Variants in MAF observed in about 807,000 individuals in gnomAD.
MAF encodes transcription factor Maf.
Under a neutral mutation model 22.0 loss-of-function variants are expected in MAF, and 10 were observed. The observed-to-expected ratio is 0.45, with a 90% CI of 0.28 to 0.77. The LOEUF is 0.77. Ranked by LOEUF, MAF falls within the 30% of genes least tolerant of loss-of-function variation. The pLI, the probability that MAF is intolerant of heterozygous loss-of-function variation, is 0.12. For missense variants in MAF, 544 were observed against 548.4 expected (o/e 0.99, Z 0.08); for synonymous variants, 337 against 255.8 (o/e 1.32, Z -3.03).
chr16:79,485,944 A>G, the MAF span, among the ~76,000 whole-genome samples: 1 of 152,216 alleles, frequency 6.6e-6, no homozygotes, highest in Admixed American at 6.5e-5. Flanking sequence ...TTTTTAACTG[A>G]TGGAACTCTA....
chr16:79,255,084 G>A, the MAF span, among the ~76,000 whole-genome samples: 16 of 152,240 alleles, frequency 1.1e-4, no homozygotes, highest in Admixed American at 5.9e-4. Flanking sequence ...TCCTGAAAAC[G>A]TCTTCTCTCT....
At chr16:79,203,839 G>C in the MAF span, 41 of 152,030 alleles carry the variant, frequency 2.7e-4, no homozygotes, top group Admixed American at 1.8e-3. Context: ...GGCGAATACA[G>C]ATGCATACAT....
At chr16:79,271,065 T>C in the MAF span, among the ~76,000 whole-genome samples, 2 of 140,552 alleles carry the variant, frequency 1.4e-5, no homozygotes, top group East Asian at 4.4e-4. Flanking sequence ...CATGCCTGGC[T>C]TTCTGGCATT....
the MAF span, among the ~76,000 whole-genome samples, chr16:79,343,833 C>T: frequency 1.3e-5 from 2 of 152,170 alleles, no homozygotes; most frequent in African/African-American, 2.4e-5. Flanking sequence ...CTTCCTACCC[C>T]CCACGGTCCC....
chr16:79,311,102 G>A, the MAF span, among the ~76,000 whole-genome samples: 1 of 151,720 alleles, frequency 6.6e-6, no homozygotes, highest in Non-Finnish European at 1.5e-5. Context: ...TGTCTCAGGG[G>A]CTTCTTAACC....
chr16:79,349,195 G>A, the MAF span, among the ~76,000 whole-genome samples: 1 of 152,236 alleles, frequency 6.6e-6, no homozygotes, highest in Non-Finnish European at 1.5e-5. Flanking sequence ...AGGGCACACA[G>A]TGTGAAAGGG....
chr16:79,374,774 CT>C, the MAF span, among the ~76,000 whole-genome samples: 1 of 152,166 alleles, frequency 6.6e-6, no homozygotes, highest in Non-Finnish European at 1.5e-5. Context: ...TTCTCTCTTT[CT>C]TCATCTTTTC....
chr16:79,521,750 A>C, the MAF span, among the ~76,000 whole-genome samples: 1 of 152,230 alleles, frequency 6.6e-6, no homozygotes, highest in Non-Finnish European at 1.5e-5. Flanking sequence ...CACTGATTTC[A>C]ATAGGACAGC....
chr16:79,542,412 A>G, the MAF span, among the ~76,000 whole-genome samples: 1 of 152,200 alleles, frequency 6.6e-6, no homozygotes, highest in Non-Finnish European at 1.5e-5. Context: ...AGTCAAGGCC[A>G]GCTTCCAGGC....
the MAF span, among the ~76,000 whole-genome samples, chr16:79,304,269 C>A: frequency 6.6e-6 from 1 of 152,170 alleles, no homozygotes; most frequent in Non-Finnish European, 1.5e-5. Context: ...GCTCCCTCCC[C>A]CTTTCCAGGC....
At chr16:79,371,266 A>G in the MAF span, among the ~76,000 whole-genome samples, 2 of 152,096 alleles carry the variant, frequency 1.3e-5, no homozygotes, top group Non-Finnish European at 2.9e-5. Flanking sequence ...TAGTGTTTCA[A>G]AATAAGAAGT....
the MAF span, among the ~76,000 whole-genome samples, chr16:79,345,790 C>T: frequency 1.4e-5 from 2 of 146,340 alleles, no homozygotes; most frequent in Admixed American, 1.4e-4. Context: ...CTATAGTATT[C>T]CATTTTAAGT....
the MAF span, among the ~76,000 whole-genome samples, chr16:79,318,035 G>C: frequency 1.3e-5 from 2 of 152,166 alleles, no homozygotes; most frequent in Non-Finnish European, 2.9e-5. Context: ...TTATGGCCTA[G>C]CTGAGGAGTA....
the MAF span, among the ~76,000 whole-genome samples, chr16:79,564,337 G>C: frequency 6.6e-6 from 1 of 152,184 alleles, no homozygotes. Context: ...TCTAGTTGCG[G>C]GGGAGAAGGA....
chr16:79,386,211 T>A, the MAF span, among the ~76,000 whole-genome samples: 1 of 152,192 alleles, frequency 6.6e-6, no homozygotes, highest in Non-Finnish European at 1.5e-5. Flanking sequence ...TTATTTCTAT[T>A]ATTATTATAC....
the MAF span, among the ~76,000 whole-genome samples, chr16:79,440,448 T>C: frequency 6.6e-6 from 1 of 152,196 alleles, no homozygotes; most frequent in African/African-American, 2.4e-5. Context: ...TTCTTTTTTT[T>C]CCTTTTGGGA....
chr16:79,333,856 C>T, the MAF span, among the ~76,000 whole-genome samples: 22 of 152,244 alleles, frequency 1.4e-4, no homozygotes, highest in East Asian at 7.7e-4. Flanking sequence ...TATCTGATGC[C>T]GGATCCCAAC....
the MAF span, among the ~76,000 whole-genome samples, chr16:79,553,116 A>C: frequency 6.6e-6 from 1 of 152,266 alleles, no homozygotes; most frequent in Non-Finnish European, 1.5e-5. Flanking sequence ...TGAGAGGATT[A>C]AGTGAAGAAG....
At chr16:79,335,391 C>T in the MAF span, among the ~76,000 whole-genome samples, 19 of 151,956 alleles carry the variant, frequency 1.3e-4, no homozygotes, top group South Asian at 1.0e-3. Context: ...CTGGCTTCTT[C>T]GAAGAAGAAG....
Sources: gnomAD v4.1 joint callset for allele counts (sites outside exome capture counted in the v4.1 genomes callset) on GRCh38, gnomAD v4.1.1 for gene constraint, MANE v1.5 for transcripts, NCBI Gene and HGNC (gene_info 2026-07-23, HGNC 2026-07-21) for gene names.